The following RAB27B variants were observed in gnomAD, a reference collection of about 807,000 sequenced individuals.
RAB27B encodes the protein RAB27B, member RAS oncogene family.
RAB27B carries 15 observed loss-of-function variants against 24.6 expected under a neutral mutation model. The observed-to-expected ratio is 0.61, with a 90% CI of 0.41 to 0.94. The LOEUF is 0.94. RAB27B is among the 40% of genes least tolerant of loss of function. RAB27B has a pLI of 0.00. For missense variants in RAB27B, 261 were observed against 266.8 expected (o/e 0.98, Z 0.15); for synonymous variants, 105 against 92.5 (o/e 1.14, Z -0.78).
intron 1 of RAB27B, among the ~76,000 whole-genome samples, chr18:54,870,846 C>G (rs889093476): frequency 1.3e-5 from 2 of 151,960 alleles, no homozygotes; most frequent in African/African-American, 4.8e-5. Context: ...CTTACATTTG[C>G]GTCAAAATAA....
At chr18:54,760,743 A>G (rs1279055233) in intron 2 of RAB27B, among the ~76,000 whole-genome samples, 1 of 152,114 alleles carries the variant, frequency 6.6e-6, no homozygotes, top group Non-Finnish European at 1.5e-5. Context: ...AGTGGGCAGG[A>G]TGGCAATTCT....
upstream of RAB27B, among the ~76,000 whole-genome samples, chr18:54,824,236 CT>C (rs1239575408): frequency 2.6e-5 from 4 of 152,110 alleles, no homozygotes; most frequent in Non-Finnish European, 4.4e-5. Context: ...CATAATGTTT[CT>C]TTTTTCTTGC....
At chr18:54,788,092 T>G (rs1909144270) in intron 2 of RAB27B, among the ~76,000 whole-genome samples, 1 of 152,188 alleles carries the variant, frequency 6.6e-6, no homozygotes, top group Non-Finnish European at 1.5e-5. Context: ...CTTGCTTTAC[T>G]TTCTCAGCAA....
intron 2 of RAB27B, among the ~76,000 whole-genome samples, chr18:54,821,731 C>T (rs1288023026): frequency 6.6e-6 from 1 of 152,182 alleles, no homozygotes; most frequent in Admixed American, 6.5e-5. Context: ...TCTTTGCTAT[C>T]ATCAAACCTT....
intron 2 of RAB27B, among the ~76,000 whole-genome samples, chr18:54,878,350 T>C (rs1912788972): frequency 6.6e-6 from 1 of 152,190 alleles, no homozygotes; most frequent in Admixed American, 6.5e-5. Flanking sequence ...ACATGTGAGA[T>C]GTGTAGCATA....
At chr18:54,791,726 C>T (rs1451815605) in intron 2 of RAB27B, among the ~76,000 whole-genome samples, 2 of 152,170 alleles carry the variant, frequency 1.3e-5, no homozygotes, top group African/African-American at 2.4e-5. Context: ...CCTAGCAGGC[C>T]GACTCACAGG....
chr18:54,776,643 T>C (rs1908723915), intron 2 of RAB27B, among the ~76,000 whole-genome samples: 1 of 152,186 alleles, frequency 6.6e-6, no homozygotes, highest in South Asian at 2.1e-4. Flanking sequence ...GTTCTGCAGT[T>C]GTTGGTTTGT....
Position 54,793,496 on chromosome 18 carries a change from A to G in RAB27B, c.-20+75355A>G, listed in dbSNP as rs561631339. Among the ~76,000 whole-genome samples, 513 of 152,278 alleles carry G rather than the reference A, an allele frequency of 3.4e-3. 3 individuals are homozygous for G. The highest frequency in any genetic ancestry group is 0.012 in the African/African-American group (490 of 41,548). ...ACTTTGACAGTCAACAGAGAGAGAGAGAGATGTCCTTTTCACATGGTTTTC... is the reference window on the plus strand; with the variant it reads ...ACTTTGACAGTCAACAGAGAGAGAGGGAGATGTCCTTTTCACATGGTTTTC... On this transcript the variant is annotated intron_variant, in intron 2 of 4. Transcript: ENST00000586570.
intron 2 of RAB27B, among the ~76,000 whole-genome samples, chr18:54,754,508 G>T (rs1000178629): frequency 1.8e-4 from 27 of 152,186 alleles, no homozygotes; most frequent in Admixed American, 1.8e-3. Flanking sequence ...AAAGTACAGT[G>T]AGAAGCAATT....
chr18:54,748,246 A>G (rs996028165), intron 2 of RAB27B, among the ~76,000 whole-genome samples: 6 of 152,182 alleles, frequency 3.9e-5, no homozygotes, highest in African/African-American at 1.4e-4. Flanking sequence ...ATGGTGTGAT[A>G]AAGATATAAG....
In RAB27B at chr18:54,893,907, T is replaced by A. The variant is rs183982636; in HGVS notation, c.*4494T>A. ...TAAAGAAAGACCTAGTAACAGATAG[T>A]TTTTTTTTGTTCATTTTCTTCTACC... On this transcript the variant is annotated 3_prime_UTR_variant, in exon 6 of 6. Coordinates refer to ENST00000262094, the MANE Select transcript of RAB27B (RefSeq NM_004163.4). 1.3e-5 allele frequency: 2 copies of A among 151,098 alleles called. No individual in the cohort carries two copies. The highest frequency in any genetic ancestry group is 4.9e-5 in the African/African-American group (2 of 41,212). The allele number at this position is 151,098 out of a possible 1,614,324, so 9.4% of individuals were successfully genotyped here.
intron 1 of RAB27B, among the ~76,000 whole-genome samples, chr18:54,873,221 T>A (rs1318946487): frequency 6.6e-6 from 1 of 152,246 alleles, no homozygotes. Context: ...AATTCCTTTT[T>A]ACCTTTACGA....
intron 2 of RAB27B, among the ~76,000 whole-genome samples, chr18:54,808,410 A>G (rs4800967): frequency 0.44 from 66,778 of 152,100 alleles, 16,363 homozygotes; most frequent in Middle Eastern, 0.64. Context: ...ACTTATGCAC[A>G]TATTTCTTTG....
chr18:54,844,853 C>T (rs929408160), intron 1 of RAB27B, among the ~76,000 whole-genome samples: 1 of 152,082 alleles, frequency 6.6e-6, no homozygotes, highest in African/African-American at 2.4e-5. Context: ...TACCAGTTTT[C>T]GCTGGTTGGG....
chr18:54,728,364 A>G lies in RAB27B; in HGVS notation c.-20+10223A>G, dbSNP rs974952390. ...TGGGGTGAAGTTTTTGTTATCTTTT[A>G]CTCTTGCCCCCCTCAGCTAGAAAGA... On this transcript the variant is annotated intron_variant, in intron 2 of 4. Coordinates refer to the RAB27B transcript ENST00000586570. 1.3e-5 allele frequency among the ~76,000 whole-genome samples: 2 copies of G among 151,994 alleles called. 1 individual carries two copies.
At chr18:54,823,609 C>G (rs956278631), upstream of RAB27B, among the ~76,000 whole-genome samples, 2 of 152,114 alleles carry the variant, frequency 1.3e-5, no homozygotes, top group African/African-American at 4.8e-5. Flanking sequence ...CACTGCATCC[C>G]CCATACCTGG....
intron 2 of RAB27B, among the ~76,000 whole-genome samples, chr18:54,807,410 G>A (rs957426691): frequency 1.3e-5 from 2 of 152,154 alleles, no homozygotes; most frequent in African/African-American, 2.4e-5. Flanking sequence ...GGGCAGAAGT[G>A]TTGGACAAGC....
At position 54,889,217 on chromosome 18, in the gene RAB27B, A is replaced by C; in HGVS notation, c.468-7A>C. On this transcript the variant is annotated splice_polypyrimidine_tract_variant and splice_region_variant and intron_variant, in intron 5 of 5. Transcript: ENST00000262094. ...CTCAAAAATATTTGCCATCCTTTCT[A>C]TGCTAGCATACCATATTTTGAAACA... The C allele has an allele frequency of 4.4e-6, 7 of 1,602,714 alleles. No homozygotes were observed. The highest frequency in any genetic ancestry group is 6.0e-6 in the Non-Finnish European group (7 of 1,175,372).
intron 2 of RAB27B, among the ~76,000 whole-genome samples, chr18:54,783,803 G>A (rs73476644): frequency 1.1e-3 from 162 of 152,186 alleles, no homozygotes; most frequent in African/African-American, 3.8e-3. Context: ...CAGTCTTCAT[G>A]GTGGAAAATG....
Sources: gnomAD v4.1 joint callset for allele counts (sites outside exome capture counted in the v4.1 genomes callset) on GRCh38, gnomAD v4.1.1 for gene constraint, MANE v1.5 for transcripts, NCBI Gene and HGNC (gene_info 2026-07-23, HGNC 2026-07-21) for gene names.